The following ASPM variants were observed in gnomAD, a reference collection of about 807,000 sequenced individuals.
ASPM encodes abnormal spindle-like microcephaly-associated protein.
In ASPM, 256 loss-of-function variants were observed where a neutral mutation model predicts 366.4. The ratio of observed to expected loss-of-function variants is 0.70; its 90% CI spans 0.63 to 0.77. The LOEUF (loss-of-function observed/expected upper bound fraction) is 0.77, where lower values mean the gene tolerates loss of function less well. Among genes scored for constraint, ASPM ranks in the 30% least tolerant of loss-of-function variants. The pLI is 0.00. For missense variants in ASPM, 4,146 were observed against 4,090.4 expected, an observed-to-expected ratio of 1.01 and a Z score of -0.37; for synonymous variants, 1,414 against 1,342.9, an observed-to-expected ratio of 1.05 and a Z score of -1.16.
intron 3 of ASPM, 75 bp from the exon 4 acceptor site, chr1:197,139,946 A>C (rs1432592051): frequency 5.8e-6 from 6 of 1,039,846 alleles, no homozygotes; most frequent in Non-Finnish European, 8.9e-6. Context: ...TTTGAAAGTT[A>C]AAGTTTGGGT....
chr1:197,133,528 T>C lies in ASPM; in HGVS notation c.2241A>G (p.Thr747=). The C allele has an allele frequency of 1.2e-6, 2 of 1,614,072 alleles. No individual in the cohort carries two copies. The highest frequency in any genetic ancestry group is 1.1e-5 in the South Asian group (1 of 91,086). The change falls in exon 6 of 28, where the codon ACA becomes ACG. Residue 747 remains threonine, a synonymous_variant. Coordinates refer to ENST00000367409, the MANE Select transcript of ASPM (RefSeq NM_018136.5). ...QHKISVPRAP[T]KEEMSLRAYT... ...AAGCTCTGAGAGACATTTCCTCTTTTGTAGGTGCTCTAGGAACACTTATTT... is the reference window on the plus strand; with the variant it reads ...AAGCTCTGAGAGACATTTCCTCTTTCGTAGGTGCTCTAGGAACACTTATTT...
At chr1:197,127,044 G>A (rs1205840091) in intron 10 of ASPM, among the ~76,000 whole-genome samples, 2 of 152,096 alleles carry the variant, frequency 1.3e-5, no homozygotes, top group African/African-American at 2.4e-5. Flanking sequence ...TTATAAGACA[G>A]TTCTTCAAAT....
rs1489790888 is a variant in ASPM, at chr1:197,143,164, T to A, written c.1088A>T (p.Gln363Leu). ...GAAAGAATCTGGACTTAAAATTTTC[T>A]GATAAATTTCATGTGCAATTGTTGA... Reference protein sequence around the residue: ...LESTIAHEIYQKILSPDSFIK... With the variant: ...LESTIAHEIYLKILSPDSFIK... Residue 363 changes from glutamine (Q) to leucine (L), a missense_variant, in exon 3 of 28, where the codon CAG becomes CTG. Physicochemically the swap from Gln to Leu is moderately radical, Grantham distance 113. Coordinates refer to ENST00000367409, the MANE Select transcript of ASPM (RefSeq NM_018136.5). The A allele has an allele frequency of 2.5e-6, 4 of 1,613,522 alleles. No homozygotes were observed. Among genetic ancestry groups the A allele is most frequent in the Middle Eastern group, 1.7e-4 (1 of 6,054 alleles).
In ASPM at chr1:197,128,602, G is replaced by A. The variant is rs546095187; in HGVS notation, c.2824C>T (p.Arg942Cys). ...GGTAATCCCAATAAGCCAAGGTGACGGGAAAGGTCACCTTCACCACTTAGG... is the reference window on the plus strand; with the variant it reads ...GGTAATCCCAATAAGCCAAGGTGACAGGAAAGGTCACCTTCACCACTTAGG... Reference protein sequence around the residue: ...DFLSGEGDLSRHLGLLGLPVN... With the variant: ...DFLSGEGDLSCHLGLLGLPVN... Residue 942 changes from arginine to cysteine, a missense_variant, in exon 10 of 28, where the codon CGT (arginine) becomes TGT (cysteine). By Grantham distance (180) the Arg-to-Cys change is radical. Transcript: ENST00000367409. The A allele has an allele frequency of 3.2e-5, 51 of 1,613,324 alleles. No homozygotes were observed. The Middle Eastern group carries it at 6.6e-4, about 21-fold the overall frequency.
chr1:197,101,082 C>T lies in ASPM; in HGVS notation c.8169G>A (p.Arg2723=), dbSNP rs772396835. The stretch of plus-strand genomic sequence containing the variant: ...TTTCTGTTTTTACTCTAACATACAA[C>T]CTATAATAATTCTGTATAACCACAA... ...TAIVVIQNYY[R]LYVRVKTERK... The change falls in exon 18 of 28, where the codon AGG becomes AGA. Residue 2723 remains arginine (R), a synonymous_variant. Coordinates refer to ENST00000367409, the MANE Select transcript of ASPM (RefSeq NM_018136.5). The T allele has an allele frequency of 7.4e-6, 12 of 1,611,624 alleles. No individual in the cohort carries two copies. The highest frequency in any genetic ancestry group is 9.3e-6 in the Non-Finnish European group (11 of 1,178,780).
intron 27 of ASPM, 105 bp from the exon 28 acceptor site, chr1:197,084,531 A>G: frequency 1.3e-6 from 1 of 747,888 alleles, no homozygotes. Flanking sequence ...TGAACACATC[A>G]TTTCCCTTAC....
chr1:197,087,224 G>A (rs898261239), intron 26 of ASPM, among the ~76,000 whole-genome samples: 4 of 151,604 alleles, frequency 2.6e-5, no homozygotes, highest in Non-Finnish European at 4.4e-5. Context: ...ACAGGCACCC[G>A]CCACCACACC....
chr1:197,129,886 G>C, intron 8 of ASPM, 29 bp downstream of exon 8: 3 of 1,600,672 alleles, frequency 1.9e-6, no homozygotes, highest in South Asian at 1.1e-5. Context: ...ATAATGTGGA[G>C]AGAATGTAGG....
chr1:197,105,233 A>T (rs1236358176), intron 17 of ASPM, 48 bp from the exon 18 acceptor site: 1 of 1,404,806 alleles, frequency 7.1e-7, no homozygotes, highest in Non-Finnish European at 1.0e-6. Flanking sequence ...ATAGCTTTCT[A>T]TATTTAACAC....
In ASPM at chr1:197,143,693, T is replaced by C. The variant is rs201333656; in HGVS notation, c.559A>G (p.Arg187Gly). 80 of 1,613,984 alleles carry C rather than the reference T, an allele frequency of 5.0e-5. No homozygotes were observed. The highest frequency in any genetic ancestry group is 6.6e-5 in the Non-Finnish European group (78 of 1,179,902). ...CAAGCTTGTAGTGGGCTCCTAACTC[T>C]GTCAACTTTTTGGGAAACACTAAAT... is the stretch of plus-strand genomic sequence containing the variant. ...KTFSVSQKVD[R>G]VRSPLQACEN... is the part of the protein sequence containing the mutation. The change falls in exon 3 of 28, where the codon AGA becomes GGA. Residue 187 changes from arginine to glycine, a missense_variant. Arg to Gly is a moderately radical substitution (Grantham distance 125). Around this residue, in one of 3 missense-constraint regions of ASPM, gnomAD observed 512 missense variants for 471.7 expected, o/e 1.09. Transcript: ENST00000367409.
chr1:197,122,766 A>G (rs902325401), intron 13 of ASPM, among the ~76,000 whole-genome samples, 171 bp from the exon 14 acceptor site: 20 of 152,292 alleles, frequency 1.3e-4, no homozygotes, highest in Admixed American at 1.0e-3. Context: ...AAAAAATAAA[A>G]GAGTATCCCC....
intron 18 of ASPM, among the ~76,000 whole-genome samples, chr1:197,099,570 A>T (rs1657090034): frequency 6.6e-6 from 1 of 151,654 alleles, no homozygotes; most frequent in South Asian, 2.1e-4. Flanking sequence ...CCTGAAACAT[A>T]CACTTCTCAT....
In ASPM at chr1:197,101,765, T is replaced by C. The variant is rs759989940; in HGVS notation, c.7486A>G (p.Thr2496Ala). Residue 2496 changes from threonine to alanine, a missense_variant, in exon 18 of 28, where the codon ACA becomes GCA. Physicochemically the swap from Thr to Ala is moderately conservative, Grantham distance 58. Transcript: ENST00000367409. ...LIQATFRMYR[T>A]YITFQTWKHA... is the part of the protein sequence containing the mutation. ...TTCCAAGTCTGAAATGTAATATATG[T>C]TCTGTACATCCTGAAAGTAGCCTGA... is the stretch of plus-strand genomic sequence containing the variant. 19 of 1,612,496 alleles carry C rather than the reference T, an allele frequency of 1.2e-5. No individual in the cohort carries two copies. In the Admixed American group the frequency reaches 2.7e-4, roughly 23 times the overall value.
At chr1:197,125,343 C>T in intron 10 of ASPM, 152 bp from the exon 11 acceptor site, 1 of 967,908 alleles carries the variant, frequency 1.0e-6, no homozygotes, top group Non-Finnish European at 1.5e-6. Flanking sequence ...AACTCTGTTG[C>T]TCCATAGTCG....
rs566955710 is a variant in ASPM at position 197,142,816 on chromosome 1, G to A, written c.1436C>T (p.Ser479Phe). 1.2e-6 allele frequency: 2 copies of A among 1,613,400 alleles called. No homozygotes were observed. Among genetic ancestry groups the A allele is most frequent in the Non-Finnish European group, 1.7e-6 (2 of 1,179,532 alleles). The change falls in exon 3 of 28, where the codon TCT becomes TTT. Residue 479 changes from serine (S) to phenylalanine (F), a missense_variant. Physicochemically the swap from Ser to Phe is radical, Grantham distance 155. Around this residue, in one of 3 missense-constraint regions of ASPM, gnomAD observed 3,624 missense variants for 3,591.7 expected, o/e 1.01. Coordinates refer to ENST00000367409, the MANE Select transcript of ASPM (RefSeq NM_018136.5). ...NPKFSAVQDISSHSHNKQPKR... is the reference protein window; with the variant it reads ...NPKFSAVQDIFSHSHNKQPKR... Reference sequence around the variant, plus strand: ...AGGTTGTTTATTGTGGCTATGACTAGAAATATCCTGAACTGCAGAAAATTT... The same window carrying A: ...AGGTTGTTTATTGTGGCTATGACTAAAAATATCCTGAACTGCAGAAAATTT...
At chr1:197,140,416 G>A (rs954048651) in intron 3 of ASPM, among the ~76,000 whole-genome samples, 4 of 152,210 alleles carry the variant, frequency 2.6e-5, no homozygotes, top group African/African-American at 4.8e-5. Flanking sequence ...CAAAATAATA[G>A]TGGCAGCTAA....
chr1:197,130,856 A>G (rs964778638), intron 7 of ASPM, among the ~76,000 whole-genome samples: 2 of 152,194 alleles, frequency 1.3e-5, no homozygotes, highest in African/African-American at 4.8e-5. Flanking sequence ...GTTTGTGCTT[A>G]GCTACATAAT....
intron 3 of ASPM, among the ~76,000 whole-genome samples, chr1:197,141,305 C>T (rs551709067): frequency 1.3e-5 from 2 of 152,230 alleles, no homozygotes; most frequent in East Asian, 3.9e-4. Context: ...TGCACATTGT[C>T]TATGGCTGTT....
Position 197,104,918 on chromosome 1 carries a change from C to T in ASPM, c.4333G>A (p.Ala1445Thr), listed in dbSNP as rs2125096727. Residue 1445 changes from alanine (A) to threonine (T), a missense_variant, in exon 18 of 28, where the codon GCT (alanine) becomes ACT (threonine). Physicochemically the swap from Ala to Thr is moderately conservative, Grantham distance 58. Transcript: ENST00000367409. The part of the protein sequence containing the change: ...KQRKMQSQVK[A>T]TVILQRAFRE... ...AAAGCTCTTTGCAATATTACTGTAGCTTTTACTTGTGATTGCATTTTACGT... is the reference window on the plus strand; with the variant it reads ...AAAGCTCTTTGCAATATTACTGTAGTTTTTACTTGTGATTGCATTTTACGT... The T allele has an allele frequency of 6.2e-7, 1 of 1,612,008 alleles. No homozygotes were observed. The highest frequency in any genetic ancestry group is 1.3e-5 in the African/African-American group (1 of 74,886).
Sources: allele counts gnomAD v4.1 joint callset (sites outside exome capture counted in the v4.1 genomes callset), GRCh38; gene constraint gnomAD v4.1.1; regional missense constraint gnomAD v4.1.1; transcripts MANE v1.5; gene names NCBI Gene and HGNC (gene_info 2026-07-23, HGNC 2026-07-21).